Variants in TTI1 observed in about 807,000 individuals in gnomAD.
The protein encoded by TTI1 is TELO2 interacting protein 1, also known as TELO2-interacting protein 1 homolog.
Under a neutral mutation model 85.4 loss-of-function variants are expected in TTI1, and 52 were observed. That is an observed-to-expected ratio of 0.61 (90% CI 0.49 to 0.77). The LOEUF is 0.77. TTI1 is among the 30% of genes least tolerant of loss of function. TTI1 has a pLI of 0.00. For missense variants in TTI1, 1,173 were observed against 1,296.0 expected, an observed-to-expected ratio of 0.91 and a Z score of 1.46; for synonymous variants, 512 against 503.9, an observed-to-expected ratio of 1.02 and a Z score of -0.22.
In TTI1 at chr20:38,012,621, G is replaced by A; in HGVS notation, c.1196C>T (p.Ser399Phe). The change falls in exon 2 of 8, where the codon TCT (serine) becomes TTT (phenylalanine). Residue 399 changes from serine (S) to phenylalanine (F), a missense_variant. Transcript: ENST00000373447. ...MNSQDDQGKF[S>F]TLSLLLGYLK... ...ATAACCAAGTAACAAGGAAAGAGTA[G>A]AGAATTTGCCCTGGTCATCTTGGGA... 1 of 1,614,206 alleles carries A rather than the reference G, an allele frequency of 6.2e-7. No individual in the cohort carries two copies.
At chr20:38,026,254 G>A (rs528831487) in intron 1 of TTI1, among the ~76,000 whole-genome samples, 4 of 152,230 alleles carry the variant, frequency 2.6e-5, no homozygotes, top group Middle Eastern at 3.4e-3. Flanking sequence ...CCGCCTGCCA[G>A]GTTCAAATGA....
chr20:37,999,419 CG>C, intron 4 of TTI1, 91 bp from the exon 5 acceptor site: 1 of 1,279,292 alleles, frequency 7.8e-7, no homozygotes, highest in Non-Finnish European at 1.0e-6. Context: ...CATTTAGAAA[CG>C]TATTAATTGG....
At chr20:38,025,043 T>C (rs907789280) in intron 1 of TTI1, among the ~76,000 whole-genome samples, 1 of 152,138 alleles carries the variant, frequency 6.6e-6, no homozygotes, top group Non-Finnish European at 1.5e-5. Context: ...TGGGTGTCAA[T>C]GGAGGCTGAG....
chr20:38,024,076 C>T (rs2073805207), intron 1 of TTI1, among the ~76,000 whole-genome samples: 1 of 152,154 alleles, frequency 6.6e-6, no homozygotes, highest in African/African-American at 2.4e-5. Flanking sequence ...CTCCACTAGA[C>T]AGGACCTTTT....
chr20:38,005,810 T>TAA (rs11481355), intron 3 of TTI1: 5,310 of 148,198 alleles, frequency 0.036, 301 homozygotes, highest in African/African-American at 0.13. Context: ...ATAAAAAAAA[T>TAA]AAAAAAAAAA....
At chr20:38,013,934 C>T (rs540343656) in intron 1 of TTI1, 77 bp from the exon 2 acceptor site, 1 of 1,447,780 alleles carries the variant, frequency 6.9e-7, no homozygotes, top group Non-Finnish European at 9.2e-7. Flanking sequence ...ATTCATTCAA[C>T]AGACATTTAC....
intron 7 of TTI1, among the ~76,000 whole-genome samples, chr20:37,992,413 A>T (rs535460341): frequency 3.2e-4 from 49 of 152,018 alleles, no homozygotes; most frequent in Non-Finnish European, 6.0e-4. Flanking sequence ...AGTAGCTGGG[A>T]CAACAGGTGC....
At chr20:38,013,953 T>TATG (rs2073644339) in intron 1 of TTI1, 96 bp from the exon 2 acceptor site, 1 of 1,318,056 alleles carries the variant, frequency 7.6e-7, no homozygotes, top group Admixed American at 2.6e-5. Flanking sequence ...ACCTGGGGTC[T>TATG]ATGTGCCAGC....
chr20:37,987,087 A>G (rs926913541), intron 7 of TTI1: 1 of 445,758 alleles, frequency 2.2e-6, no homozygotes, highest in African/African-American at 2.0e-5. Flanking sequence ...GCTGAACTCT[A>G]AACACGACAA....
Position 38,013,184 on chromosome 20 carries a change from A to C in TTI1, c.633T>G (p.Pro211=), listed in dbSNP as rs768557086. 1.2e-6 allele frequency: 2 copies of C among 1,614,068 alleles called. No individual in the cohort carries two copies. Among genetic ancestry groups the C allele is most frequent in the African/African-American group, 1.3e-5 (1 of 74,936 alleles). ...QLGDLFASFL[P]GISTALTRLI... ...GCCTGGTCAGTGCAGTTGAGATTCC[A>C]GGTAAAAAAGAGGCAAACAAATCCC... The change falls in exon 2 of 8, where the codon CCT becomes CCG. Residue 211 remains proline, a synonymous_variant. Transcript: ENST00000373447.
rs1445634064 is a variant in TTI1 at position 37,999,308 on chromosome 20, C to G, written c.2673G>C (p.Leu891=). Residue 891 remains leucine (L), a synonymous_variant, in exon 5 of 8, where the codon CTG becomes CTC. Coordinates refer to ENST00000373447, the MANE Select transcript of TTI1 (RefSeq NM_001303457.2). ...TGTGGGACTGAAGAACAACCACACA[C>G]AGATCCAGCACATCCAAGACCTGAA... ...IRLKVLDVLD[L]CVVVLQSHKN... The G allele has an allele frequency of 6.8e-7, 1 of 1,465,588 alleles. No individual in the cohort carries two copies. The allele number at this position is 1,465,588 out of a possible 1,614,324, so 90.8% of individuals were successfully genotyped here.
At chr20:38,007,079 T>G (rs780599803) in intron 2 of TTI1, among the ~76,000 whole-genome samples, 5 of 152,256 alleles carry the variant, frequency 3.3e-5, no homozygotes, top group South Asian at 2.1e-4. Flanking sequence ...CCTATCGATA[T>G]GCTGAGGCAT....
chr20:37,992,251 T>C (rs533751313), intron 7 of TTI1, among the ~76,000 whole-genome samples: 1 of 152,226 alleles, frequency 6.6e-6, no homozygotes, highest in Admixed American at 6.5e-5. Flanking sequence ...TTTTCTATTA[T>C]GAGACTTGTT....
Position 38,013,333 on chromosome 20 carries a change from C to T in TTI1, c.484G>A (p.Ala162Thr), listed in dbSNP as rs34249579. 5,504 of 1,614,074 alleles carry T rather than the reference C, an allele frequency of 3.4e-3. 21 individuals are homozygous for T. Among genetic ancestry groups the T allele is most frequent in the Non-Finnish European group, 4.1e-3 (4,864 of 1,180,020 alleles). Residue 162 changes from alanine to threonine, a missense_variant, in exon 2 of 8, where the codon GCA becomes ACA. Coordinates refer to ENST00000373447, the MANE Select transcript of TTI1 (RefSeq NM_001303457.2). Reference protein sequence around the residue: ...GFAVSLLLGLAEQEKSKQIKI... With the variant: ...GFAVSLLLGLTEQEKSKQIKI... ...ATTTGCTTTGATTTCTCCTGTTCTG[C>T]AAGGCCTAACAGTAAAGATACAGCA...
Position 37,983,486 on chromosome 20 carries a change from G to T in TTI1, c.3240C>A (p.Asn1080Lys). ...GCAGCTCCTTGAGCAGCTGGAGCACGTTGGTCGTGTAGGGGTTCTGCTGCC... is the reference window on the plus strand; with the variant it reads ...GCAGCTCCTTGAGCAGCTGGAGCACTTTGGTCGTGTAGGGGTTCTGCTGCC... Reference protein sequence around the residue: ...ASGQQNPYTTNVLQLLKELQ With the variant: ...ASGQQNPYTTKVLQLLKELQ The change falls in exon 8 of 8, where the codon AAC becomes AAA. Residue 1080 changes from asparagine to lysine, a missense_variant. Physicochemically the swap from Asn to Lys is moderately conservative, Grantham distance 94 (BLOSUM62 0). Transcript: ENST00000373447. The T allele has an allele frequency of 6.2e-7, 1 of 1,611,484 alleles. No individual in the cohort carries two copies.
intron 2 of TTI1, among the ~76,000 whole-genome samples, chr20:38,010,133 G>T (rs1168050419): frequency 6.6e-6 from 1 of 152,168 alleles, no homozygotes; most frequent in Non-Finnish European, 1.5e-5. Context: ...ATGAATGAAT[G>T]AAAAAGGAAC....
intron 1 of TTI1, among the ~76,000 whole-genome samples, chr20:38,029,502 T>C (rs979022151): frequency 6.6e-6 from 1 of 151,698 alleles, no homozygotes; most frequent in African/African-American, 2.4e-5. Flanking sequence ...AATAAATAAC[T>C]GGTTCTTTGA....
intron 1 of TTI1, among the ~76,000 whole-genome samples, chr20:38,031,263 C>A (rs915999707): frequency 4.6e-5 from 7 of 152,228 alleles, no homozygotes; most frequent in Non-Finnish European, 7.3e-5. Context: ...CATCTAAAGT[C>A]TATACTATTG....
chr20:38,015,301 C>T (rs968867374), intron 1 of TTI1, among the ~76,000 whole-genome samples: 4 of 152,088 alleles, frequency 2.6e-5, no homozygotes, highest in East Asian at 1.9e-4. Context: ...TGTGAGGCTT[C>T]GTTGGGGTGT....
Sources: allele counts gnomAD v4.1 joint callset (sites outside exome capture counted in the v4.1 genomes callset), GRCh38; gene constraint gnomAD v4.1.1; transcripts MANE v1.5; gene names NCBI Gene and HGNC (gene_info 2026-07-23, HGNC 2026-07-21).